The following FER1L6 variants were observed in gnomAD, a reference collection of about 807,000 sequenced individuals.
The protein encoded by FER1L6 is fer-1 like family member 6.
In FER1L6, 177 loss-of-function variants were observed where a neutral mutation model predicts 219.2. The observed-to-expected ratio is 0.81, with a 90% confidence interval of 0.71 to 0.91. The LOEUF (loss-of-function observed/expected upper bound fraction) is 0.91, where lower values mean the gene tolerates loss of function less well. Ranked by LOEUF, FER1L6 falls within the 40% of genes least tolerant of loss-of-function variation. The probability of loss-of-function intolerance (pLI) is 0.00; values close to 1 mark genes in which losing one functional copy is unlikely to be tolerated. For missense variants in FER1L6, 2,153 were observed against 2,259.9 expected (o/e 0.95, Z 0.96); for synonymous variants, 768 against 824.3 (o/e 0.93, Z 1.17).
At chr8:123,897,758 A>G (rs1812770205) in intron 1 of FER1L6, among the ~76,000 whole-genome samples, 1 of 152,200 alleles carries the variant, frequency 6.6e-6, no homozygotes, top group African/African-American at 2.4e-5. Flanking sequence ...TCTTCATTTT[A>G]ACACTAACTT....
chr8:123,876,056 A>G (rs1426899496), intron 1 of FER1L6, among the ~76,000 whole-genome samples: 1 of 152,086 alleles, frequency 6.6e-6, no homozygotes, highest in East Asian at 1.9e-4. Context: ...TCATTATTTC[A>G]CTCAGAGTAC....
intron 1 of FER1L6, among the ~76,000 whole-genome samples, chr8:123,947,840 CA>C (rs1046045542): frequency 2.4e-4 from 37 of 152,156 alleles, no homozygotes; most frequent in African/African-American, 8.9e-4. Context: ...CACATCACAT[CA>C]AAGGAGGCAG....
chr8:123,943,242 A>G (rs1814335971), intron 1 of FER1L6, among the ~76,000 whole-genome samples: 1 of 152,212 alleles, frequency 6.6e-6, no homozygotes, highest in Non-Finnish European at 1.5e-5. Flanking sequence ...GGTGAACATG[A>G]TTAAAAATCC....
chr8:123,864,566 T>C (rs562635032), intron 1 of FER1L6, among the ~76,000 whole-genome samples: 21 of 149,906 alleles, frequency 1.4e-4, no homozygotes, highest in African/African-American at 4.5e-4. Flanking sequence ...GATAATATCC[T>C]GCAGAGTGTT....
intron 33 of FER1L6, among the ~76,000 whole-genome samples, chr8:124,086,783 G>T (rs1449908407): frequency 6.6e-6 from 1 of 152,090 alleles, no homozygotes; most frequent in African/African-American, 2.4e-5. Flanking sequence ...GTCTGGTGTT[G>T]ATGAAATCCC....
intron 19 of FER1L6, 105 bp from the exon 20 acceptor site, chr8:124,039,777 T>A (rs4389914): frequency 6.9e-7 from 1 of 1,455,262 alleles, no homozygotes; most frequent in Non-Finnish European, 9.5e-7. Flanking sequence ...TCTCCTTTTG[T>A]CTGTCTGTGG....
chr8:124,043,677 CTATATTCA>C (rs1160230525), intron 20 of FER1L6, among the ~76,000 whole-genome samples: 3 of 151,950 alleles, frequency 2.0e-5, no homozygotes, highest in Admixed American at 6.6e-5. Context: ...GCTCCAGAGT[CTATATTCA>C]TCATCACCAC....
Position 123,931,399 on chromosome 8 carries a change from G to A in FER1L6, c.-7-24593G>A, listed in dbSNP as rs79485748. Among the ~76,000 whole-genome samples the A allele has an allele frequency of 6.0e-3, 912 of 152,326 alleles. 4 individuals are homozygous for A. Among genetic ancestry groups the A allele is most frequent in the Non-Finnish European group, 9.3e-3 (631 of 68,036 alleles). On this transcript the variant is annotated intron_variant, in intron 1 of 40. Transcript: ENST00000522917. ...ACTAGGAATCTCATCTGGGATTAGT[G>A]TGTCTGGACCTCTCTTGGTTCCATT...
Position 124,062,025 on chromosome 8 carries a change from T to C in FER1L6, c.3321T>C (p.Pro1107=). 6.2e-7 allele frequency: 1 copy of C among 1,614,124 alleles called. No individual in the cohort carries two copies. The highest frequency in any genetic ancestry group is 8.5e-7 in the Non-Finnish European group (1 of 1,179,950). Residue 1107 remains proline, a synonymous_variant, in exon 25 of 41, where the codon CCT becomes CCC. Coordinates refer to ENST00000522917, the MANE Select transcript of FER1L6 (RefSeq NM_001039112.2). ...APITQVDGTQ[P]GHDISDSLTA... ...TCACACAGGTGGATGGAACCCAGCC[T>C]GGGCACGGTGAGAAGCTGCTCTTAG...
At position 124,119,665 on chromosome 8, in the gene FER1L6, A is replaced by T; in HGVS notation, c.5449A>T (p.Ile1817Phe). ...MSPFKCLYYL[I>F]WKNYKKYIII... ...CCCCTTTAAGTGCCTGTACTACCTC[A>T]TCTGGAAGAATTACAAAAAGTACAT... The change falls in exon 41 of 41, where the codon ATC (isoleucine) becomes TTC (phenylalanine). Residue 1817 changes from isoleucine to phenylalanine, a missense_variant. Ile to Phe is a conservative substitution (Grantham distance 21). Transcript: ENST00000522917. 1 of 1,613,674 alleles carries T rather than the reference A, an allele frequency of 6.2e-7. No individual in the cohort carries two copies. The highest frequency in any genetic ancestry group is 1.1e-5 in the South Asian group (1 of 91,060).
chr8:123,962,473 T>C (rs1472426788), intron 2 of FER1L6, among the ~76,000 whole-genome samples: 1 of 152,132 alleles, frequency 6.6e-6, no homozygotes, highest in Non-Finnish European at 1.5e-5. Context: ...TGTAATTTGG[T>C]ATCTTATTGC....
chr8:124,010,193 C>T (rs542697480), intron 13 of FER1L6, among the ~76,000 whole-genome samples: 12 of 138,938 alleles, frequency 8.6e-5, no homozygotes, highest in Non-Finnish European at 1.7e-4. Context: ...CGGAAGCTGG[C>T]GAGTCAGGGA....
intron 1 of FER1L6, among the ~76,000 whole-genome samples, chr8:123,861,343 C>T (rs1262332815): frequency 6.1e-5 from 9 of 146,808 alleles, no homozygotes; most frequent in South Asian, 2.1e-4. Flanking sequence ...TGATCTATAT[C>T]TCTGTTTTGG....
At chr8:124,110,833 C>T (rs911587285) in intron 39 of FER1L6, among the ~76,000 whole-genome samples, 6 of 152,236 alleles carry the variant, frequency 3.9e-5, no homozygotes, top group East Asian at 3.9e-4. Flanking sequence ...ATCTTTATGC[C>T]ACCTGCCAGA....
At chr8:123,887,472 G>A (rs1817225255) in intron 1 of FER1L6, among the ~76,000 whole-genome samples, 1 of 152,152 alleles carries the variant, frequency 6.6e-6, no homozygotes. Flanking sequence ...ACCACAGCTG[G>A]CCCCAACTGC....
At chr8:123,960,777 A>C (rs565197147) in intron 2 of FER1L6, among the ~76,000 whole-genome samples, 160 of 152,120 alleles carry the variant, frequency 1.1e-3, no homozygotes, top group African/African-American at 3.8e-3. Flanking sequence ...GTTCACCTGG[A>C]TCACCTCATC....
At chr8:124,010,782 C>G in intron 14 of FER1L6, 68 bp downstream of exon 14, 4 of 1,588,356 alleles carry the variant, frequency 2.5e-6, no homozygotes, top group Non-Finnish European at 3.4e-6. Context: ...TTTTTAAAAT[C>G]CACCTAGTAG....
intron 1 of FER1L6, among the ~76,000 whole-genome samples, chr8:123,938,752 T>C (rs1337763669): frequency 1.3e-5 from 2 of 152,108 alleles, no homozygotes; most frequent in East Asian, 3.9e-4. Flanking sequence ...TTTGCCCTTT[T>C]GCCCAGGCTG....
At chr8:123,986,788 C>T (rs975907592) in intron 12 of FER1L6, among the ~76,000 whole-genome samples, 1 of 152,198 alleles carries the variant, frequency 6.6e-6, no homozygotes. Context: ...CTGTGCCTGG[C>T]TCGTTTCACT....
Sources: allele counts gnomAD v4.1 joint callset (sites outside exome capture counted in the v4.1 genomes callset), GRCh38; gene constraint gnomAD v4.1.1; transcripts MANE v1.5; gene names NCBI Gene and HGNC (gene_info 2026-07-23, HGNC 2026-07-21).